Variants in PRICKLE1 observed in about 807,000 individuals in gnomAD.
The protein encoded by PRICKLE1 is prickle-like protein 1.
PRICKLE1 carries 14 observed loss-of-function variants against 70.2 expected under a neutral mutation model. The ratio of observed to expected loss-of-function variants is 0.20; its 90% CI spans 0.13 to 0.31. The LOEUF (loss-of-function observed/expected upper bound fraction) is 0.31. Ranked by LOEUF, PRICKLE1 falls within the 10% of genes least tolerant of loss-of-function variation. The pLI, the probability that PRICKLE1 is intolerant of heterozygous loss-of-function variation, is 1.00. For synonymous variants in PRICKLE1, 357 were observed against 379.9 expected (o/e 0.94, Z 0.70); for missense variants, 821 against 1,026.2 (o/e 0.80, Z 2.73).
chr12:42,552,269 T>C (rs1342014302), intron 1 of PRICKLE1, among the ~76,000 whole-genome samples: 2 of 152,078 alleles, frequency 1.3e-5, no homozygotes, highest in African/African-American at 2.4e-5. Flanking sequence ...GGTTTTGCCA[T>C]GTTGCCTAGG....
intron 1 of PRICKLE1, among the ~76,000 whole-genome samples, chr12:42,583,504 C>A (rs868260404): frequency 1.1e-4 from 16 of 152,154 alleles, no homozygotes; most frequent in Admixed American, 6.5e-4. Context: ...AGTTTAACCT[C>A]ACACCTTCTC....
chr12:42,476,857 C>T (rs1371658845), intron 1 of PRICKLE1, among the ~76,000 whole-genome samples: 1 of 143,650 alleles, frequency 7.0e-6, no homozygotes, highest in Non-Finnish European at 1.5e-5. Context: ...CCTATGTTGC[C>T]CAGGCTGGTC....
chr12:42,546,910 C>G (rs1329807900), intron 1 of PRICKLE1, among the ~76,000 whole-genome samples: 1 of 152,184 alleles, frequency 6.6e-6, no homozygotes, highest in Non-Finnish European at 1.5e-5. Context: ...TTGGGCCTTT[C>G]ACTTTCATTT....
At chr12:42,552,887 A>G (rs1940341827) in intron 1 of PRICKLE1, among the ~76,000 whole-genome samples, 1 of 152,198 alleles carries the variant, frequency 6.6e-6, no homozygotes, top group African/African-American at 2.4e-5. Context: ...AGATCCTCAT[A>G]AGAAGCGCGC....
At chr12:42,562,070 C>T (rs932577170) in intron 1 of PRICKLE1, among the ~76,000 whole-genome samples, 1 of 151,918 alleles carries the variant, frequency 6.6e-6, no homozygotes, top group South Asian at 2.1e-4. Context: ...TGCCACTGCA[C>T]CCAGGTAAGT....
chr12:42,481,250 G>GTCACCAAA (rs1938782124), intron 1 of PRICKLE1, among the ~76,000 whole-genome samples: 2 of 152,152 alleles, frequency 1.3e-5, no homozygotes, highest in Admixed American at 6.5e-5. Flanking sequence ...CTTGAACCAA[G>GTCACCAAA]TCACCAAATC....
chr12:42,562,835 G>T (rs1940540201), intron 1 of PRICKLE1, among the ~76,000 whole-genome samples: 1 of 152,138 alleles, frequency 6.6e-6, no homozygotes, highest in Non-Finnish European at 1.5e-5. Flanking sequence ...CAGAAACACT[G>T]GGCAGTAATA....
intron 1 of PRICKLE1, among the ~76,000 whole-genome samples, chr12:42,489,268 C>T (rs1939046988): frequency 6.6e-6 from 1 of 151,476 alleles, no homozygotes; most frequent in Admixed American, 6.6e-5. Flanking sequence ...TGTCACCAGA[C>T]CCTATAAATA....
intron 1 of PRICKLE1, among the ~76,000 whole-genome samples, chr12:42,574,929 A>G (rs1221705019): frequency 1.3e-5 from 2 of 151,892 alleles, no homozygotes; most frequent in African/African-American, 4.8e-5. Flanking sequence ...TTAAGATTAA[A>G]AAAAAGTTTT....
chr12:42,504,720 G>C (rs1360398091), intron 1 of PRICKLE1, among the ~76,000 whole-genome samples: 1 of 152,140 alleles, frequency 6.6e-6, no homozygotes, highest in African/African-American at 2.4e-5. Flanking sequence ...TTCAGAAATG[G>C]AAAACCCCCG....
chr12:42,478,466 G>A (rs1490704887), intron 1 of PRICKLE1, among the ~76,000 whole-genome samples: 2 of 152,212 alleles, frequency 1.3e-5, no homozygotes, highest in African/African-American at 4.8e-5. Flanking sequence ...CATTAAGGAG[G>A]TGTGTGGAGG....
intron 1 of PRICKLE1, among the ~76,000 whole-genome samples, chr12:42,556,849 T>G (rs1434251500): frequency 6.6e-6 from 1 of 152,198 alleles, no homozygotes; most frequent in Non-Finnish European, 1.5e-5. Flanking sequence ...TTTTTATGCT[T>G]TGCTCAACAA....
Position 42,572,469 on chromosome 12 carries a change from A to T in PRICKLE1, c.-49+16996T>A, listed in dbSNP as rs117515109. ...TAAATAAATAAATAAATAAATAAAT[A>T]AATTAAAAATACTTGTTTTTAAAAT... On this transcript the variant is annotated intron_variant, in intron 1 of 7. Coordinates refer to ENST00000345127, the MANE Select transcript of PRICKLE1 (RefSeq NM_153026.3). Among the ~76,000 whole-genome samples the T allele has an allele frequency of 4.6e-3, 680 of 146,702 alleles. 6 individuals are homozygous for T. The highest frequency in any genetic ancestry group is 0.026 in the East Asian group (132 of 4,986).
intron 1 of PRICKLE1, among the ~76,000 whole-genome samples, chr12:42,545,161 G>C (rs1940185701): frequency 6.6e-6 from 1 of 152,130 alleles, no homozygotes; most frequent in South Asian, 2.1e-4. Flanking sequence ...GCATCACCAT[G>C]CCCAGCTAAT....
At chr12:42,523,025 G>A (rs950471951) in intron 1 of PRICKLE1, among the ~76,000 whole-genome samples, 11 of 149,920 alleles carry the variant, frequency 7.3e-5, no homozygotes, top group Non-Finnish European at 1.6e-4. Context: ...GCAGTGGCAC[G>A]ATCTCGGCTC....
chr12:42,528,325 C>T (rs1463330174), intron 1 of PRICKLE1, among the ~76,000 whole-genome samples: 3 of 152,084 alleles, frequency 2.0e-5, no homozygotes, highest in African/African-American at 4.8e-5. Flanking sequence ...CCTCCCACCT[C>T]GGCCTTGCAA....
chr12:42,521,932 GT>G (rs1939715514), intron 1 of PRICKLE1, among the ~76,000 whole-genome samples: 1 of 10,208 alleles, frequency 9.8e-5, no homozygotes, highest in African/African-American at 1.4e-4. Context: ...TGTTTTTGGT[GT>G]GTGTGTGTGT....
At chr12:42,471,757 C>T (rs1938330774) in intron 2 of PRICKLE1, among the ~76,000 whole-genome samples, 1 of 152,182 alleles carries the variant, frequency 6.6e-6, no homozygotes, top group Non-Finnish European at 1.5e-5. Flanking sequence ...ACAAGTTAAT[C>T]ATTGTAAAGA....
intron 1 of PRICKLE1, among the ~76,000 whole-genome samples, chr12:42,504,438 C>T (rs1939369019): frequency 6.6e-6 from 1 of 152,230 alleles, no homozygotes; most frequent in Non-Finnish European, 1.5e-5. Flanking sequence ...TAGCGTTGCT[C>T]TGGAACTGAC....
Sources: allele counts gnomAD v4.1 joint callset (sites outside exome capture counted in the v4.1 genomes callset), GRCh38; gene constraint gnomAD v4.1.1; transcripts MANE v1.5; gene names NCBI Gene and HGNC (gene_info 2026-07-23, HGNC 2026-07-21).